ZNF385B: variants seen among roughly 807,000 people sequenced by gnomAD.
The protein encoded by ZNF385B is zinc finger protein 533.
In ZNF385B, 23 loss-of-function variants were observed where a neutral mutation model predicts 39.2. The observed-to-expected ratio is 0.59, with a 90% CI of 0.42 to 0.83. The LOEUF (loss-of-function observed/expected upper bound fraction) is 0.83. ZNF385B is among the 40% of genes least tolerant of loss of function. The probability of loss-of-function intolerance (pLI) is 0.00; values close to 1 mark genes in which losing one functional copy is unlikely to be tolerated. For synonymous variants in ZNF385B, 205 were observed against 222.6 expected, an observed-to-expected ratio of 0.92 and a Z score of 0.70; for missense variants, 552 against 598.9, an observed-to-expected ratio of 0.92 and a Z score of 0.82.
intron 3 of ZNF385B, among the ~76,000 whole-genome samples, chr2:179,575,766 T>A (rs746955279): frequency 2.6e-5 from 4 of 151,202 alleles, no homozygotes; most frequent in African/African-American, 7.3e-5. Flanking sequence ...TATGCCCAAG[T>A]GTTTTGGTAT....
intron 4 of ZNF385B, among the ~76,000 whole-genome samples, chr2:179,541,332 C>T (rs905111470): frequency 6.6e-6 from 1 of 152,164 alleles, no homozygotes; most frequent in Non-Finnish European, 1.5e-5. Flanking sequence ...TAGCATAGAA[C>T]AGGCATCTGT....
chr2:179,492,159 C>G (rs920424089), intron 5 of ZNF385B, among the ~76,000 whole-genome samples: 1 of 152,120 alleles, frequency 6.6e-6, no homozygotes, highest in Non-Finnish European at 1.5e-5. Context: ...GTTGATAATT[C>G]TCAGCTACTT....
intron 3 of ZNF385B, among the ~76,000 whole-genome samples, chr2:179,627,642 T>C (rs1392339419): frequency 6.6e-6 from 1 of 152,206 alleles, no homozygotes. Flanking sequence ...GTCCCATCAA[T>C]AGCTTGAAAT....
intron 3 of ZNF385B, among the ~76,000 whole-genome samples, chr2:179,650,812 T>C (rs762008564): frequency 2.6e-5 from 4 of 152,228 alleles, no homozygotes; most frequent in Non-Finnish European, 5.9e-5. Flanking sequence ...TTTGATTCAA[T>C]GTGTCACAGC....
intron 1 of ZNF385B, among the ~76,000 whole-genome samples, chr2:179,822,991 T>G (rs1437010521): frequency 6.6e-6 from 1 of 152,092 alleles, no homozygotes; most frequent in African/African-American, 2.4e-5. Context: ...TGTTTGGAAA[T>G]TTTCATCTAA....
At chr2:179,648,712 A>C (rs1692958340) in intron 3 of ZNF385B, among the ~76,000 whole-genome samples, 1 of 152,118 alleles carries the variant, frequency 6.6e-6, no homozygotes, top group Admixed American at 6.5e-5. Flanking sequence ...GTGCTCAAAA[A>C]ATGACAAGGC....
intron 3 of ZNF385B, chr2:179,576,415 G>T (rs1370580700): frequency 6.5e-6 from 1 of 152,998 alleles, no homozygotes; most frequent in Admixed American, 6.6e-5. Flanking sequence ...GACAGTTGGG[G>T]TACCCATGCC....
At chr2:179,519,557 A>G (rs1347103983) in intron 4 of ZNF385B, among the ~76,000 whole-genome samples, 1 of 152,220 alleles carries the variant, frequency 6.6e-6, no homozygotes, top group Non-Finnish European at 1.5e-5. Flanking sequence ...AAAGTATGGC[A>G]CATAGTCATT....
chr2:179,631,010 G>T (rs1266876296), intron 3 of ZNF385B, among the ~76,000 whole-genome samples: 1 of 152,250 alleles, frequency 6.6e-6, no homozygotes. Context: ...CCAAGAAACA[G>T]GGGGCTATGT....
At chr2:179,797,575 T>C (rs1298273075) in intron 1 of ZNF385B, among the ~76,000 whole-genome samples, 2 of 152,224 alleles carry the variant, frequency 1.3e-5, no homozygotes, top group East Asian at 1.9e-4. Context: ...TTTTAGCCTA[T>C]AGTTCCTCTT....
chr2:179,767,946 T>A (rs1018001362), intron 3 of ZNF385B, among the ~76,000 whole-genome samples: 2 of 148,292 alleles, frequency 1.3e-5, no homozygotes, highest in African/African-American at 2.5e-5. Context: ...ATTATATATT[T>A]TATATATATA....
intron 3 of ZNF385B, among the ~76,000 whole-genome samples, chr2:179,588,090 T>G (rs1425076278): frequency 6.6e-6 from 1 of 152,052 alleles, no homozygotes. Context: ...CTTCTCTCTT[T>G]TATTTTTTTT....
At chr2:179,605,912 C>T (rs926533428) in intron 3 of ZNF385B, among the ~76,000 whole-genome samples, 13 of 151,986 alleles carry the variant, frequency 8.6e-5, no homozygotes, top group East Asian at 3.9e-4. Flanking sequence ...TAACCTGAGA[C>T]GTAAGAAATT....
intron 5 of ZNF385B, among the ~76,000 whole-genome samples, chr2:179,494,625 C>G (rs1229009627): frequency 6.6e-6 from 1 of 151,530 alleles, no homozygotes; most frequent in African/African-American, 2.4e-5. Context: ...TTTTAAAAAT[C>G]TATGTAAAAC....
rs932242782 is a variant in ZNF385B at position 179,782,440 on chromosome 2, C to T, written c.-154-11768G>A. 4.6e-5 allele frequency among the ~76,000 whole-genome samples: 7 copies of T among 152,184 alleles called. 1 individual carries two copies. The highest frequency in any genetic ancestry group is 4.6e-4 in the Admixed American group (7 of 15,276). The stretch of plus-strand genomic sequence containing the variant: ...AACCAGCACAAGACAAGGATGCCCT[C>T]TCTCACCGTTTCTATTCAACATAGT... On this transcript the variant is annotated intron_variant, in intron 1 of 9. Coordinates refer to ENST00000410066, the MANE Select transcript of ZNF385B (RefSeq NM_152520.6).
chr2:179,860,835 C>T (rs900076117), intron 1 of ZNF385B: 3 of 447,450 alleles, frequency 6.7e-6, no homozygotes, highest in Non-Finnish European at 1.4e-5. Context: ...GAGGAGTATG[C>T]TCCTGTGGCT....
At chr2:179,673,444 A>G (rs6708429) in intron 3 of ZNF385B, among the ~76,000 whole-genome samples, 1 of 152,128 alleles carries the variant, frequency 6.6e-6, no homozygotes, top group African/African-American at 2.4e-5. Flanking sequence ...AATTATGGAT[A>G]GTAGACCCCA....
At position 179,605,523 on chromosome 2, in the gene ZNF385B, G is replaced by A. The variant is rs546232868; in HGVS notation, c.299-60554C>T. Among the ~76,000 whole-genome samples, 453 of 152,196 alleles carry A rather than the reference G, an allele frequency of 3.0e-3. 1 individual carries two copies. Among genetic ancestry groups the A allele is most frequent in the African/African-American group, 9.4e-3 (392 of 41,534 alleles). On this transcript the variant is annotated intron_variant, in intron 3 of 9. Transcript: ENST00000410066. The stretch of plus-strand genomic sequence containing the variant: ...GGATCTAAAAACTCATTCACATTGA[G>A]TCATCAAAATGAATTCCATAGTTCA...
intron 3 of ZNF385B, among the ~76,000 whole-genome samples, chr2:179,567,983 C>A (rs1283358110): frequency 6.6e-6 from 1 of 152,178 alleles, no homozygotes; most frequent in Admixed American, 6.5e-5. Context: ...AAATACAAAT[C>A]TGATCATGTC....
Sources: allele counts gnomAD v4.1 joint callset (sites outside exome capture counted in the v4.1 genomes callset), GRCh38; gene constraint gnomAD v4.1.1; transcripts MANE v1.5; gene names NCBI Gene and HGNC (gene_info 2026-07-23, HGNC 2026-07-21).